WDR72: variants seen among roughly 807,000 people sequenced by gnomAD.
The protein encoded by WDR72 is WD repeat domain 72.
Under a neutral mutation model 124.2 loss-of-function variants are expected in WDR72, and 120 were observed. The ratio of observed to expected loss-of-function variants is 0.97; its 90% CI spans 0.83 to 1.12. The LOEUF (loss-of-function observed/expected upper bound fraction) is 1.12, where lower values mean the gene tolerates loss of function less well. WDR72 is among the 50% of genes most tolerant of loss of function. WDR72 has a pLI of 0.00. For synonymous variants in WDR72, 452 were observed against 441.7 expected, an observed-to-expected ratio of 1.02 and a Z score of -0.29; for missense variants, 1,387 against 1,278.8, an observed-to-expected ratio of 1.08 and a Z score of -1.29.
chr15:53,750,308 C>A (rs2018743366), intron 1 of WDR72, among the ~76,000 whole-genome samples: 1 of 152,044 alleles, frequency 6.6e-6, no homozygotes. Flanking sequence ...GTATATGGAA[C>A]CAGAAAGCCT....
chr15:53,597,064 A>G lies in WDR72; in HGVS notation c.3148+15T>C. On this transcript the variant is annotated intron_variant, in intron 18 of 19. Transcript: ENST00000360509. ...AGTTCTGTTGAAAGAGTATACCAAT[A>G]AATTTTGTACTTACTTTGCAGAGGC... is the stretch of plus-strand genomic sequence containing the variant. The G allele has an allele frequency of 6.2e-7, 1 of 1,612,812 alleles. No homozygotes were observed. The highest frequency in any genetic ancestry group is 8.5e-7 in the Non-Finnish European group (1 of 1,179,164).
At chr15:53,570,985 C>A (rs1396053992) in intron 18 of WDR72, among the ~76,000 whole-genome samples, 1 of 152,006 alleles carries the variant, frequency 6.6e-6, no homozygotes, top group Non-Finnish European at 1.5e-5. Flanking sequence ...AACAGAAAAC[C>A]AAATACCGAA....
At chr15:53,633,949 T>C (rs1002432832) in intron 14 of WDR72, among the ~76,000 whole-genome samples, 2 of 152,170 alleles carry the variant, frequency 1.3e-5, no homozygotes, top group Non-Finnish European at 2.9e-5. Context: ...TTGAACTTTT[T>C]TTAAAGGAAC....
At chr15:53,609,627 G>A (rs760699248) in intron 16 of WDR72, 35 bp from the exon 17 acceptor site, 2 of 1,572,342 alleles carry the variant, frequency 1.3e-6, no homozygotes, top group East Asian at 4.5e-5. Context: ...TATCTTTAGA[G>A]TATTAAAAAT....
At chr15:53,561,869 A>C (rs556294852) in intron 18 of WDR72, among the ~76,000 whole-genome samples, 2 of 151,934 alleles carry the variant, frequency 1.3e-5, no homozygotes, top group East Asian at 3.9e-4. Flanking sequence ...TCAAGTGTGC[A>C]TCCAGAGATG....
intron 17 of WDR72, among the ~76,000 whole-genome samples, chr15:53,603,414 T>C (rs2140349107): frequency 6.6e-6 from 1 of 152,216 alleles, no homozygotes; most frequent in African/African-American, 2.4e-5. Context: ...CATTCTCCCT[T>C]GAAAATCAGC....
chr15:53,668,618 A>G (rs2140456020), intron 13 of WDR72, among the ~76,000 whole-genome samples: 1 of 152,280 alleles, frequency 6.6e-6, no homozygotes, highest in East Asian at 1.9e-4. Context: ...GGTTAAGGCC[A>G]GGTATAATAG....
At chr15:53,583,957 T>G (rs2012066809) in intron 18 of WDR72, among the ~76,000 whole-genome samples, 1 of 138,444 alleles carries the variant, frequency 7.2e-6, no homozygotes, top group Admixed American at 7.8e-5. Context: ...AAATCAAATT[T>G]TTTTAAATGA....
At chr15:53,737,684 C>T (rs2018396510) in intron 1 of WDR72, among the ~76,000 whole-genome samples, 1 of 152,018 alleles carries the variant, frequency 6.6e-6, no homozygotes, top group South Asian at 2.1e-4. Flanking sequence ...CTAAGAAAAG[C>T]TGGTAAATTA....
Position 53,515,842 on chromosome 15 carries a change from G to A in WDR72, c.*1857C>T, listed in dbSNP as rs1891432954. On this transcript the variant is annotated 3_prime_UTR_variant, in exon 20 of 20. Coordinates refer to ENST00000360509, the MANE Select transcript of WDR72 (RefSeq NM_182758.4). ...TTCTAAAAGGGAATAATAGGATGTA[G>A]CTATAAAAATAATGAAGCTTATTTT... The A allele has an allele frequency of 6.6e-6, 1 of 152,080 alleles. No individual in the cohort carries two copies. 9.4% of individuals were successfully genotyped at this position (152,080 alleles called of 1,614,324 possible).
In WDR72 at chr15:53,615,325, G is replaced by A. The variant is rs1369954229; in HGVS notation, c.2780+101C>T. ...AATTGTTGCATACTTACCCCCCACTGGAAAGAAGGAAGGAATGTTAAAGAG... is the reference window on the plus strand; with the variant it reads ...AATTGTTGCATACTTACCCCCCACTAGAAAGAAGGAAGGAATGTTAAAGAG... On this transcript the variant is annotated intron_variant, in intron 15 of 19. Coordinates refer to ENST00000360509, the MANE Select transcript of WDR72 (RefSeq NM_182758.4). The A allele has an allele frequency of 5.3e-6, 5 of 951,922 alleles. No homozygotes were observed. In the East Asian group the frequency reaches 1.1e-4, roughly 21 times the overall value. The allele number at this position is 951,922 out of a possible 1,614,324, so 59.0% of individuals were successfully genotyped here.
chr15:53,711,508 T>G (rs2017538495), intron 7 of WDR72, 27 bp from the exon 8 acceptor site: 10 of 1,612,888 alleles, frequency 6.2e-6, no homozygotes, highest in African/African-American at 2.7e-5. Flanking sequence ...ATGCACATTA[T>G]CAAAGGCTTA....
At chr15:53,565,936 C>T (rs938441504) in intron 18 of WDR72, among the ~76,000 whole-genome samples, 1 of 151,914 alleles carries the variant, frequency 6.6e-6, no homozygotes, top group African/African-American at 2.4e-5. Context: ...ATCTTTGGAA[C>T]ACTAGAGCAT....
At chr15:53,748,494 C>CAAA (rs1021658542) in intron 1 of WDR72, among the ~76,000 whole-genome samples, 3 of 152,118 alleles carry the variant, frequency 2.0e-5, no homozygotes, top group African/African-American at 7.2e-5. Context: ...TCTATTAACA[C>CAAA]AAATACTTGG....
chr15:53,575,413 G>T (rs970476042), intron 18 of WDR72, among the ~76,000 whole-genome samples: 7 of 152,000 alleles, frequency 4.6e-5, no homozygotes, highest in Admixed American at 1.3e-4. Flanking sequence ...TGATTGTTCT[G>T]CAAATAAAGT....
chr15:53,665,917 T>C (rs903928331), intron 13 of WDR72, 149 bp from the exon 14 acceptor site: 32 of 758,222 alleles, frequency 4.2e-5, no homozygotes, highest in Non-Finnish European at 2.2e-6. Context: ...TGGGAGCTTT[T>C]CCTAAATTAT....
At position 53,716,606 on chromosome 15, in the gene WDR72, C is replaced by T. The variant is rs1044345286; in HGVS notation, c.339+1G>A. Reference sequence around the variant, plus strand: ...GCCCTGAAGGAAGTGAGTGTACTTACACAGATTGCAGTGTGCCTGTAAGGA... The same window carrying T: ...GCCCTGAAGGAAGTGAGTGTACTTATACAGATTGCAGTGTGCCTGTAAGGA... On this transcript the variant is annotated splice_donor_variant, in intron 4 of 19. Coordinates refer to ENST00000360509, the MANE Select transcript of WDR72 (RefSeq NM_182758.4). LOFTEE classifies it high-confidence loss of function. 5 of 1,601,248 alleles carry T rather than the reference C, an allele frequency of 3.1e-6. No individual in the cohort carries two copies. The highest frequency in any genetic ancestry group is 4.3e-6 in the Non-Finnish European group (5 of 1,168,280).
chr15:53,597,707 T>C (rs1008761425), intron 17 of WDR72, among the ~76,000 whole-genome samples: 1 of 152,188 alleles, frequency 6.6e-6, no homozygotes, highest in African/African-American at 2.4e-5. Flanking sequence ...ATTTAAACTA[T>C]GCTTTACACA....
chr15:53,628,273 T>C (rs1289752591), intron 14 of WDR72, among the ~76,000 whole-genome samples: 1 of 152,126 alleles, frequency 6.6e-6, no homozygotes, highest in Non-Finnish European at 1.5e-5. Context: ...AGCTGAAGCA[T>C]TAGAAGTGTA....
Sources: gnomAD v4.1 joint callset for allele counts (sites outside exome capture counted in the v4.1 genomes callset) on GRCh38, gnomAD v4.1.1 for gene constraint, MANE v1.5 for transcripts, NCBI Gene and HGNC (gene_info 2026-07-23, HGNC 2026-07-21) for gene names.